The following NARS2 variants were observed in gnomAD, a reference collection of about 807,000 sequenced individuals.
The protein encoded by NARS2 is asparaginyl-tRNA synthetase 2, mitochondrial.
In NARS2, 60 loss-of-function variants were observed where a neutral mutation model predicts 62.9. That is an observed-to-expected ratio of 0.95 (90% CI 0.77 to 1.18). The LOEUF (loss-of-function observed/expected upper bound fraction) is 1.18. Ranked by LOEUF, NARS2 falls within the 50% of genes most tolerant of loss-of-function variation. The pLI is 0.00. For missense variants in NARS2, 619 were observed against 576.4 expected, an observed-to-expected ratio of 1.07 and a Z score of -0.76; for synonymous variants, 196 against 200.0, an observed-to-expected ratio of 0.98 and a Z score of 0.17.
intron 5 of NARS2, among the ~76,000 whole-genome samples, chr11:78,547,613 G>A (rs867290427): frequency 6.6e-5 from 10 of 151,958 alleles, no homozygotes; most frequent in African/African-American, 1.5e-4. Context: ...CACGGCAGGC[G>A]GATCACCTGA....
chr11:78,562,552 A>T (rs1325769890), intron 4 of NARS2, among the ~76,000 whole-genome samples: 1 of 152,248 alleles, frequency 6.6e-6, no homozygotes, highest in Non-Finnish European at 1.5e-5. Flanking sequence ...AAGAAAGAGC[A>T]GAATCTTTTC....
chr11:78,489,483 T>C (rs1270301461), intron 7 of NARS2, among the ~76,000 whole-genome samples: 3 of 152,182 alleles, frequency 2.0e-5, no homozygotes, highest in African/African-American at 7.2e-5. Context: ...CTTCCATACA[T>C]TGCTGGTAGG....
intron 9 of NARS2, among the ~76,000 whole-genome samples, chr11:78,474,730 G>C (rs563162497): frequency 1.1e-4 from 17 of 152,242 alleles, no homozygotes; most frequent in African/African-American, 4.1e-4. Flanking sequence ...CATAGCCTCT[G>C]ACATCACAGA....
chr11:78,497,478 C>T (rs1860110630), intron 6 of NARS2, among the ~76,000 whole-genome samples: 1 of 152,150 alleles, frequency 6.6e-6, no homozygotes, highest in Non-Finnish European at 1.5e-5. Context: ...GCAACTTTCA[C>T]TACACCCTTC....
Position 78,436,389 on chromosome 11 carries a change from C to T in NARS2, c.*281G>A, listed in dbSNP as rs538009675. 3.2e-6 allele frequency: 1 copy of T among 316,340 alleles called. No individual in the cohort carries two copies. The highest frequency in any genetic ancestry group is 5.3e-5 in the South Asian group (1 of 18,714). 19.6% of individuals were successfully genotyped at this position (316,340 alleles called of 1,614,324 possible). On this transcript the variant is annotated 3_prime_UTR_variant, in exon 14 of 14. Transcript: ENST00000281038. ...ATTCTGTTTTAGAGTTTAAAAGAAA[C>T]TTTGAGACTAATTCAATTTCTTCAT... is the stretch of plus-strand genomic sequence containing the variant.
rs1365929790 is a variant in NARS2 at position 78,478,605 on chromosome 11, AT to A, written c.900del (p.Lys300AsnfsTer3). 1 of 1,610,806 alleles carries A rather than the reference AT, an allele frequency of 6.2e-7. No homozygotes were observed. The highest frequency in any genetic ancestry group is 8.5e-7 in the Non-Finnish European group (1 of 1,178,084). Reference protein sequence around the residue: ...KCPEDVELCHKFIAPGQKDRL... With the variant: ...KCPEDVELCHXFIAPGQKDRL... ...ATTACCTTTTGGCCAGGTGCTATGA[AT>A]TTGTGACAGAGTTCAACATCTTCAG... On this transcript the variant is annotated frameshift_variant, in exon 8 of 14. Transcript: ENST00000281038. LOFTEE classifies it high-confidence loss of function.
chr11:78,484,299 G>A (rs1237318242), intron 7 of NARS2, among the ~76,000 whole-genome samples: 2 of 151,914 alleles, frequency 1.3e-5, no homozygotes, highest in Admixed American at 6.6e-5. Flanking sequence ...AGAAAAAAAC[G>A]TAGGCAATAC....
chr11:78,559,579 G>C lies in NARS2; in HGVS notation c.554C>G (p.Ser185Cys), dbSNP rs914124799. The C allele has an allele frequency of 4.3e-6, 7 of 1,613,228 alleles. No individual in the cohort carries two copies. The African/African-American group carries it at 9.4e-5, about 22-fold the overall frequency. Residue 185 changes from serine to cysteine, a missense_variant, in exon 5 of 14, where the codon TCC becomes TGC. Ser to Cys is a moderately radical substitution (Grantham distance 112). Coordinates refer to ENST00000281038, the MANE Select transcript of NARS2 (RefSeq NM_024678.6). ...TTCTCCAGCTCCCTCAGAGTCATTG[G>C]ATGTGATTATTGGAGTATGAATATG... ...FVHIHTPIIT[S>C]NDSEGAGELF...
At chr11:78,569,337 A>G (rs1044642492) in intron 2 of NARS2, among the ~76,000 whole-genome samples, 11 of 152,142 alleles carry the variant, frequency 7.2e-5, no homozygotes, top group African/African-American at 2.7e-4. Context: ...CTTTTCTTTA[A>G]AGAGACCAGG....
chr11:78,512,340 T>C (rs971499679), intron 6 of NARS2, among the ~76,000 whole-genome samples: 1 of 152,222 alleles, frequency 6.6e-6, no homozygotes, highest in African/African-American at 2.4e-5. Context: ...ACCTGCCAGC[T>C]ATTTCTTCCT....
intron 4 of NARS2, among the ~76,000 whole-genome samples, chr11:78,561,678 GA>G (rs1222569445): frequency 6.6e-6 from 1 of 152,034 alleles, no homozygotes; most frequent in African/African-American, 2.4e-5. Context: ...TATTTAATCA[GA>G]ATCAACAAAA....
chr11:78,477,154 G>A (rs1859135052), intron 9 of NARS2, among the ~76,000 whole-genome samples: 1 of 152,042 alleles, frequency 6.6e-6, no homozygotes, highest in South Asian at 2.1e-4. Flanking sequence ...TGGTTGTTTT[G>A]TCACCAGCAG....
intron 7 of NARS2, among the ~76,000 whole-genome samples, chr11:78,482,753 G>C (rs1659386065): frequency 6.6e-6 from 1 of 152,040 alleles, no homozygotes; most frequent in Non-Finnish European, 1.5e-5. Flanking sequence ...GTAATCAATA[G>C]CCTACCAACC....
chr11:78,509,535 C>G (rs1860634624), intron 6 of NARS2, among the ~76,000 whole-genome samples: 1 of 151,828 alleles, frequency 6.6e-6, no homozygotes, highest in African/African-American at 2.4e-5. Flanking sequence ...AACTAATACA[C>G]TTTAAAAAAA....
intron 5 of NARS2, among the ~76,000 whole-genome samples, chr11:78,540,207 T>C (rs1855558413): frequency 1.3e-5 from 2 of 152,230 alleles, no homozygotes; most frequent in Admixed American, 1.3e-4. Flanking sequence ...ATTTTTTTAA[T>C]GTGTGTATCC....
intron 11 of NARS2, among the ~76,000 whole-genome samples, chr11:78,457,281 T>A (rs1858200613): frequency 6.6e-6 from 1 of 152,120 alleles, no homozygotes; most frequent in African/African-American, 2.4e-5. Flanking sequence ...GATTAGATAT[T>A]TCCCCATCCT....
At chr11:78,448,600 T>C (rs1172280345) in intron 11 of NARS2, among the ~76,000 whole-genome samples, 1 of 152,108 alleles carries the variant, frequency 6.6e-6, no homozygotes, top group Non-Finnish European at 1.5e-5. Context: ...TGTGAACCAC[T>C]GTGCCCGGCA....
At chr11:78,475,574 A>C (rs1591173444) in intron 9 of NARS2, among the ~76,000 whole-genome samples, 1 of 123,486 alleles carries the variant, frequency 8.1e-6, no homozygotes. Flanking sequence ...ACCTGTTATC[A>C]TTTGACTTTT....
chr11:78,498,647 C>G (rs1210583074), intron 6 of NARS2, among the ~76,000 whole-genome samples: 1 of 149,792 alleles, frequency 6.7e-6, no homozygotes, highest in Non-Finnish European at 1.5e-5. Context: ...CCCAACCTTC[C>G]TAGGCCAATC....
Sources: gnomAD v4.1 joint callset for allele counts (sites outside exome capture counted in the v4.1 genomes callset) on GRCh38, gnomAD v4.1.1 for gene constraint, MANE v1.5 for transcripts, NCBI Gene and HGNC (gene_info 2026-07-23, HGNC 2026-07-21) for gene names.